BCL2: variants seen among roughly 807,000 people sequenced by gnomAD.
BCL2 encodes the protein apoptosis regulator Bcl-2.
In BCL2, 1 loss-of-function variant was observed where a neutral mutation model predicts 14.2. That is an observed-to-expected ratio of 0.07 (90% CI 0.02 to 0.33). The LOEUF (loss-of-function observed/expected upper bound fraction) is 0.33, where lower values mean the gene tolerates loss of function less well. Among genes scored for constraint, BCL2 ranks in the 10% least tolerant of loss-of-function variants. The pLI, the probability that BCL2 is intolerant of heterozygous loss-of-function variation, is 0.99. For missense variants in BCL2, 247 were observed against 305.9 expected (o/e 0.81, Z 1.44); for synonymous variants, 151 against 137.2 (o/e 1.10, Z -0.70).
At chr18:63,237,131 C>G (rs1364494576) in intron 2 of BCL2, among the ~76,000 whole-genome samples, 2 of 152,120 alleles carry the variant, frequency 1.3e-5, no homozygotes, top group African/African-American at 4.8e-5. Flanking sequence ...TCGGCCCCCA[C>G]CCCACCTCTA....
intron 2 of BCL2, among the ~76,000 whole-genome samples, chr18:63,205,511 C>T (rs1643392063): frequency 6.6e-6 from 1 of 152,214 alleles, no homozygotes; most frequent in Admixed American, 6.5e-5. Flanking sequence ...TATCTGTACA[C>T]ATCCTCCACA....
intron 2 of BCL2, among the ~76,000 whole-genome samples, chr18:63,188,468 G>A (rs1286365943): frequency 6.6e-6 from 1 of 152,178 alleles, no homozygotes; most frequent in Non-Finnish European, 1.5e-5. Context: ...CAACACTACT[G>A]AAGAAACAGT....
rs112727940 is a variant in BCL2, at chr18:63,205,471, G to C, written c.586-76712C>G. 9.5e-3 allele frequency among the ~76,000 whole-genome samples: 1,450 copies of C among 152,296 alleles called. 23 individuals are homozygous for C. Among genetic ancestry groups the C allele is most frequent in the African/African-American group, 0.033 (1,355 of 41,562 alleles). On this transcript the variant is annotated intron_variant, in intron 2 of 2. Coordinates refer to ENST00000333681, the MANE Select transcript of BCL2 (RefSeq NM_000633.3). ...CAGTGTCTGTTGTTAATGCTGATGA[G>C]TTCAATAAAATCTTCAACAGCCTAG...
intron 2 of BCL2, among the ~76,000 whole-genome samples, chr18:63,304,925 C>T (rs1373567268): frequency 2.0e-5 from 3 of 152,230 alleles, no homozygotes; most frequent in African/African-American, 4.8e-5. Flanking sequence ...CAGGTGTCAA[C>T]AAGCAAAAAC....
At chr18:63,295,938 A>T (rs918077660) in intron 2 of BCL2, among the ~76,000 whole-genome samples, 2 of 152,120 alleles carry the variant, frequency 1.3e-5, no homozygotes, top group African/African-American at 4.8e-5. Context: ...TTGACTCCCA[A>T]CAGAAGAAAA....
intron 2 of BCL2, among the ~76,000 whole-genome samples, chr18:63,169,297 T>TTCCTTCC (rs1555697330): frequency 4.4e-4 from 39 of 88,644 alleles, no homozygotes; most frequent in East Asian, 2.4e-3. Flanking sequence ...TCTTTCTTTC[T>TTCCTTCC]TTCTTTCTTT....
chr18:63,249,365 G>A (rs896159026), intron 2 of BCL2, among the ~76,000 whole-genome samples: 10 of 152,118 alleles, frequency 6.6e-5, no homozygotes, highest in African/African-American at 2.4e-4. Context: ...TAGTATCATA[G>A]CATCACAGAA....
At chr18:63,298,703 C>A (rs977015040) in intron 2 of BCL2, among the ~76,000 whole-genome samples, 1 of 152,196 alleles carries the variant, frequency 6.6e-6, no homozygotes, top group Non-Finnish European at 1.5e-5. Context: ...AGAGAAATTC[C>A]ATTTTCATTA....
intron 2 of BCL2, among the ~76,000 whole-genome samples, chr18:63,187,010 A>T (rs1290326094): frequency 1.3e-5 from 2 of 152,232 alleles, no homozygotes; most frequent in African/African-American, 4.8e-5. Context: ...TTGAAAACAG[A>T]AACTCCAACC....
intron 2 of BCL2, among the ~76,000 whole-genome samples, chr18:63,264,118 A>T (rs1348053649): frequency 1.3e-5 from 2 of 152,224 alleles, no homozygotes; most frequent in African/African-American, 2.4e-5. Context: ...CAGCATGCAG[A>T]TGGCCCCGCC....
intron 2 of BCL2, among the ~76,000 whole-genome samples, chr18:63,135,745 A>G (rs4941184): frequency 0.95 from 145,194 of 152,170 alleles, 69,637 homozygotes; most frequent in East Asian, 1. Context: ...TTCCTTTCTG[A>G]CCTCAGGTAT....
chr18:63,237,089 T>C (rs1453593586), intron 2 of BCL2, among the ~76,000 whole-genome samples: 1 of 152,218 alleles, frequency 6.6e-6, no homozygotes, highest in Non-Finnish European at 1.5e-5. Context: ...CAACAGTTCC[T>C]GGTGGCGGCT....
At chr18:63,185,337 A>T (rs1915569020) in intron 2 of BCL2, among the ~76,000 whole-genome samples, 1 of 152,236 alleles carries the variant, frequency 6.6e-6, no homozygotes, top group Non-Finnish European at 1.5e-5. Context: ...ACGTCTGACT[A>T]TTTGTGATTT....
chr18:63,316,031 T>C (rs781527359), intron 2 of BCL2: 3 of 152,666 alleles, frequency 2.0e-5, no homozygotes, highest in Non-Finnish European at 4.4e-5. Flanking sequence ...TGGTATGTCA[T>C]TGTGGTTTGG....
In BCL2 at chr18:63,279,529, G is replaced by C. The variant is rs115597568; in HGVS notation, c.585+38553C>G. ...TAAAGAGACTGACAGTTCTAAGTTT[G>C]GAGAGTATACAAAACAACAGGAACT... On this transcript the variant is annotated intron_variant, in intron 2 of 2. Transcript: ENST00000333681. Among the ~76,000 whole-genome samples the C allele has an allele frequency of 8.3e-3, 1,269 of 152,310 alleles. 13 individuals are homozygous for C. The highest frequency in any genetic ancestry group is 0.029 in the African/African-American group (1,210 of 41,568).
chr18:63,247,107 A>G (rs1390592250), intron 2 of BCL2, among the ~76,000 whole-genome samples: 1 of 152,220 alleles, frequency 6.6e-6, no homozygotes, highest in East Asian at 1.9e-4. Flanking sequence ...GAAAGAGATC[A>G]GTAGGCAGGT....
intron 2 of BCL2, among the ~76,000 whole-genome samples, chr18:63,136,989 C>T (rs1258284723): frequency 2.0e-5 from 3 of 152,240 alleles, no homozygotes; most frequent in African/African-American, 7.2e-5. Context: ...CCTTCTCTCC[C>T]CAGGATCACT....
At chr18:63,199,504 A>C (rs1422817648) in intron 2 of BCL2, among the ~76,000 whole-genome samples, 1 of 151,774 alleles carries the variant, frequency 6.6e-6, no homozygotes, top group Non-Finnish European at 1.5e-5. Flanking sequence ...ACATGCATAC[A>C]CAGACACAGA....
chr18:63,225,138 A>G (rs1910510864), intron 2 of BCL2, among the ~76,000 whole-genome samples: 1 of 152,196 alleles, frequency 6.6e-6, no homozygotes, highest in Non-Finnish European at 1.5e-5. Flanking sequence ...AGTCTGTACC[A>G]GGTACAAAGA....
Sources: gnomAD v4.1 joint callset for allele counts (sites outside exome capture counted in the v4.1 genomes callset) on GRCh38, gnomAD v4.1.1 for gene constraint, MANE v1.5 for transcripts, NCBI Gene and HGNC (gene_info 2026-07-23, HGNC 2026-07-21) for gene names.